TUBA1B: variants seen among roughly 807,000 people sequenced by gnomAD.
The protein encoded by TUBA1B is tubulin alpha 1b, also known as tubulin alpha-1B chain.
In TUBA1B, 1 loss-of-function variant was observed where a neutral mutation model predicts 34.4. The observed-to-expected ratio is 0.03, with a 90% CI of 0.01 to 0.14. TUBA1B has a LOEUF of 0.14. Ranked by LOEUF, TUBA1B falls within the 10% of genes least tolerant of loss-of-function variation. The pLI is 1.00. For synonymous variants in TUBA1B, 197 were observed against 212.5 expected (o/e 0.93, Z 0.64); for missense variants, 54 against 583.6 (o/e 0.09, Z 9.35).
At position 49,131,364 on chromosome 12, in the gene TUBA1B, G is replaced by T; in HGVS notation, c.-64C>A. Reference sequence around the variant, plus strand: ...ACACCGGGTCCCGGTTACCGTCCCCGACAAGCTAAGAGTCGAGGTAAGTAA... The same window carrying T: ...ACACCGGGTCCCGGTTACCGTCCCCTACAAGCTAAGAGTCGAGGTAAGTAA... On this transcript the variant is annotated 5_prime_UTR_variant, in exon 1 of 4. Transcript: ENST00000336023. The T allele has an allele frequency of 3.1e-6, 5 of 1,590,648 alleles. No individual in the cohort carries two copies. The highest frequency in any genetic ancestry group is 2.3e-5 in the South Asian group (2 of 88,752).
Position 49,128,357 on chromosome 12 carries a change from G to A in TUBA1B, c.957C>T (p.Tyr319=), listed in dbSNP as rs1460316621. The A allele has an allele frequency of 3.7e-6, 6 of 1,613,970 alleles. No individual in the cohort carries two copies. The highest frequency in any genetic ancestry group is 5.1e-6 in the Non-Finnish European group (6 of 1,179,966). Residue 319 remains tyrosine, a synonymous_variant, in exon 4 of 4, where the codon TAC becomes TAT. Transcript: ENST00000336023. This position sits in a 1 kb window ranked among gnomAD's most constrained non-coding sequence, Gnocchi z 8.1. ...CATCTTTGGGAACCACGTCACCACG[G>A]TACAACAGGCAGCAAGCCATGTATT... ...HGKYMACCLL[Y]RGDVVPKDVN... is the part of the protein sequence containing the mutation.
In TUBA1B at chr12:49,127,802, C is replaced by T; in HGVS notation, c.*156G>A. On this transcript the variant is annotated 3_prime_UTR_variant, in exon 4 of 4. Coordinates refer to ENST00000336023, the MANE Select transcript of TUBA1B (RefSeq NM_006082.3). ...AAAGCTTTTGATGTTAATGACTTTA[C>T]TTTGAGATATGATGGAAAAATATTA... 2.4e-6 allele frequency: 3 copies of T among 1,237,066 alleles called. No homozygotes were observed. The highest frequency in any genetic ancestry group is 3.4e-6 in the Non-Finnish European group (3 of 890,788). The allele number at this position is 1,237,066 out of a possible 1,614,324, so 76.6% of individuals were successfully genotyped here.
At chr12:49,129,795 T>C (rs908764249) in intron 1 of TUBA1B, 73 bp from the exon 2 acceptor site, 65 of 1,601,312 alleles carry the variant, frequency 4.1e-5, no homozygotes, top group East Asian at 1.1e-4. Context: ...AAAATACTCA[T>C]GCAATCTTTA....
At chr12:49,129,456 C>T in intron 2 of TUBA1B, 44 bp downstream of exon 2, 1 of 1,613,732 alleles carries the variant, frequency 6.2e-7, no homozygotes, top group Non-Finnish European at 8.5e-7. Flanking sequence ...GACAGACCTC[C>T]TGTCCCAGCA....
intron 1 of TUBA1B, chr12:49,130,203 G>A (rs1941785707): frequency 1.6e-6 from 2 of 1,270,656 alleles, no homozygotes; most frequent in Non-Finnish European, 2.0e-6. Flanking sequence ...AAGACAGGAA[G>A]GTGGGCATCC....
chr12:49,131,179 C>T (rs1400167928), intron 1 of TUBA1B, 119 bp downstream of exon 1: 2 of 1,331,626 alleles, frequency 1.5e-6, no homozygotes, highest in East Asian at 2.6e-5. Context: ...CGTTTTCCGC[C>T]CTCCAAACGG....
At chr12:49,130,300 C>G (rs1033979837) in intron 1 of TUBA1B, 6 of 1,289,116 alleles carry the variant, frequency 4.7e-6, no homozygotes, top group Admixed American at 2.3e-5. Flanking sequence ...CGTGGCCAGA[C>G]CAGCGCAGAA....
Position 49,129,536 on chromosome 12 carries a change from G to T in TUBA1B, c.190C>A (p.Arg64=), listed in dbSNP as rs1232957317. 1 of 1,614,158 alleles carries T rather than the reference G, an allele frequency of 6.2e-7. No homozygotes were observed. The highest frequency in any genetic ancestry group is 8.5e-7 in the Non-Finnish European group (1 of 1,180,032). ...GGTTCCAAGTCTACAAACACAGCCC[G>T]GGGCACGTGCTTGCCAGCGCCCGTC... ...SETGAGKHVP[R]AVFVDLEPTV... The change falls in exon 2 of 4, where the codon CGG becomes AGG. Residue 64 remains arginine, a synonymous_variant. Transcript: ENST00000336023.
At chr12:49,131,192 G>A in intron 1 of TUBA1B, 106 bp downstream of exon 1, 1 of 1,417,794 alleles carries the variant, frequency 7.1e-7, no homozygotes, top group Admixed American at 2.1e-5. Flanking sequence ...CCAAACGGAC[G>A]GCTCTGAGGC....
At chr12:49,129,770 A>T (rs761884976) in intron 1 of TUBA1B, 48 bp from the exon 2 acceptor site, 1 of 1,612,642 alleles carries the variant, frequency 6.2e-7, no homozygotes, top group South Asian at 1.1e-5. Flanking sequence ...TCTATTGATG[A>T]CTGTCAAGTG....
At chr12:49,130,614 C>G (rs1049351120) in intron 1 of TUBA1B, 3 of 345,666 alleles carry the variant, frequency 8.7e-6, no homozygotes, top group South Asian at 6.5e-5. Context: ...CCTAACGCAG[C>G]AGGGAGAGAC....
rs959382364 is a variant in TUBA1B at position 49,130,167 on chromosome 12, G to A, written c.4-445C>T. 8.9e-6 allele frequency: 11 copies of A among 1,232,962 alleles called. No homozygotes were observed. In the African/African-American group the frequency reaches 1.4e-4, roughly 16 times the overall value. 76.4% of individuals were successfully genotyped at this position (1,232,962 alleles called of 1,614,324 possible). ...CCTCCTTCCAGACCAAGACAGCTCAGTCACAGCTTCCTCCTTTGGAGGACC... is the reference window on the plus strand; with the variant it reads ...CCTCCTTCCAGACCAAGACAGCTCAATCACAGCTTCCTCCTTTGGAGGACC... On this transcript the variant is annotated intron_variant, in intron 1 of 3. Coordinates refer to ENST00000336023, the MANE Select transcript of TUBA1B (RefSeq NM_006082.3).
chr12:49,129,428 T>C, intron 2 of TUBA1B, 38 bp from the exon 3 acceptor site: 1 of 1,613,656 alleles, frequency 6.2e-7, no homozygotes. Flanking sequence ...AGTGAGTGAG[T>C]GACAAGAGAA....
intron 1 of TUBA1B, chr12:49,130,582 C>A: frequency 2.9e-6 from 1 of 349,644 alleles, no homozygotes; most frequent in South Asian, 2.1e-5. Flanking sequence ...TCCCTTACTG[C>A]CACCACCTGC....
chr12:49,129,037 G>A, intron 3 of TUBA1B, 99 bp from the exon 4 acceptor site: 1 of 1,521,202 alleles, frequency 6.6e-7, no homozygotes, highest in East Asian at 2.3e-5. Flanking sequence ...TCTCACTGAT[G>A]TAAGCACAAG....
chr12:49,131,169 C>G (rs1326914025), intron 1 of TUBA1B, 129 bp downstream of exon 1: 3 of 1,249,560 alleles, frequency 2.4e-6, no homozygotes, highest in Non-Finnish European at 2.2e-6. Flanking sequence ...CCTCTCGCCT[C>G]GTTTTCCGCC....
In TUBA1B at chr12:49,128,099, A is replaced by G. The variant is rs1592245543; in HGVS notation, c.1215T>C (p.Val405=). The G allele has an allele frequency of 6.2e-7, 1 of 1,614,210 alleles. No individual in the cohort carries two copies. Residue 405 remains valine (V), a synonymous_variant, in exon 4 of 4, where the codon GTT becomes GTC. Transcript: ENST00000336023. This position sits in a 1 kb window ranked among gnomAD's most constrained non-coding sequence, Gnocchi z 8.1. Reference sequence around the variant, plus strand: ...CCATCCCCTCACCCACGTACCAGTGAACAAAGGCACGCTTGGCATACATCA... The same window carrying G: ...CCATCCCCTCACCCACGTACCAGTGGACAAAGGCACGCTTGGCATACATCA... ...FDLMYAKRAF[V]HWYVGEGMEE... is the part of the protein sequence containing the mutation.
intron 1 of TUBA1B, 135 bp downstream of exon 1, chr12:49,131,163 T>C (rs997537552): frequency 6.8e-6 from 8 of 1,179,298 alleles, no homozygotes; most frequent in Non-Finnish European, 9.7e-6. Flanking sequence ...CCCTGGCCTC[T>C]CGCCTCGTTT....
At position 49,131,337 on chromosome 12, in the gene TUBA1B, A is replaced by G; in HGVS notation, c.-37T>C. ...ATTAGGAGGCGAAGGCGACAGGAGC[A>G]GACACCGGGTCCCGGTTACCGTCCC... On this transcript the variant is annotated 5_prime_UTR_variant, in exon 1 of 4. Transcript: ENST00000336023. The G allele has an allele frequency of 1.2e-6, 2 of 1,609,918 alleles. No individual in the cohort carries two copies. The highest frequency in any genetic ancestry group is 2.2e-5 in the East Asian group (1 of 44,810).
Sources: gnomAD v4.1 joint callset for allele counts on GRCh38, gnomAD v4.1.1 for gene constraint, Gnocchi (gnomAD v3.1) non-coding constraint, MANE v1.5 for transcripts, NCBI Gene and HGNC (gene_info 2026-07-23, HGNC 2026-07-21) for gene names.